The following MCF2L2 variants were observed in gnomAD, a reference collection of about 807,000 sequenced individuals.
MCF2L2 encodes probable guanine nucleotide exchange factor MCF2L2.
Under a neutral mutation model 150.2 loss-of-function variants are expected in MCF2L2, and 102 were observed. The observed-to-expected ratio is 0.68, with a 90% confidence interval of 0.58 to 0.80. The LOEUF (loss-of-function observed/expected upper bound fraction) is 0.80. Ranked by LOEUF, MCF2L2 falls within the 30% of genes least tolerant of loss-of-function variation. MCF2L2 has a pLI of 0.00. For synonymous variants in MCF2L2, 465 were observed against 491.3 expected (o/e 0.95, Z 0.71); for missense variants, 1,256 against 1,372.8 (o/e 0.91, Z 1.34).
chr3:183,345,696 G>C (rs1730871231), intron 3 of MCF2L2, among the ~76,000 whole-genome samples: 1 of 152,114 alleles, frequency 6.6e-6, no homozygotes, highest in Non-Finnish European at 1.5e-5. Flanking sequence ...GAAGAAAAGA[G>C]AGAAGAAACA....
rs185051808 is a variant in MCF2L2, at chr3:183,222,720, G to A, written c.2301+626C>T. 1.9e-3 allele frequency among the ~76,000 whole-genome samples: 286 copies of A among 152,220 alleles called. 1 individual carries two copies. The highest frequency in any genetic ancestry group is 3.3e-3 in the Non-Finnish European group (227 of 68,012). On this transcript the variant is annotated intron_variant, in intron 20 of 29. Transcript: ENST00000328913. Reference sequence around the variant, plus strand: ...ATTCAACAGACAACTTATCGTGGTGGCCCAAACCTTTCTCTCAAGCTCACA... The same window carrying A: ...ATTCAACAGACAACTTATCGTGGTGACCCAAACCTTTCTCTCAAGCTCACA...
intron 2 of MCF2L2, among the ~76,000 whole-genome samples, chr3:183,386,066 G>A (rs1280832972): frequency 6.6e-6 from 1 of 152,170 alleles, no homozygotes; most frequent in Non-Finnish European, 1.5e-5. Context: ...GTCAGACCTC[G>A]TTATGCAATT....
At chr3:183,297,262 A>G in intron 11 of MCF2L2, 95 bp from the exon 12 acceptor site, 1 of 1,056,142 alleles carries the variant, frequency 9.5e-7, no homozygotes, top group Non-Finnish European at 1.4e-6. Flanking sequence ...GGTGTCTACA[A>G]GGATTCCCAG....
Position 183,322,508 on chromosome 3 carries a change from G to A in MCF2L2, c.603+727C>T, listed in dbSNP as rs1439783724. ...AGATATTGACAAATGTAGGAGGCAG[G>A]CAAAATTATCCCCTATAGAGAAATA... On this transcript the variant is annotated intron_variant, in intron 6 of 29. Coordinates refer to ENST00000328913, the MANE Select transcript of MCF2L2 (RefSeq NM_015078.4). Among the ~76,000 whole-genome samples, 2 of 152,156 alleles carry A rather than the reference G, an allele frequency of 1.3e-5. 1 individual carries two copies. Among genetic ancestry groups the A allele is most frequent in the South Asian group, 4.1e-4 (2 of 4,828 alleles).
At chr3:183,202,205 G>T (rs1290801442) in intron 25 of MCF2L2, among the ~76,000 whole-genome samples, 1 of 152,124 alleles carries the variant, frequency 6.6e-6, no homozygotes, top group Non-Finnish European at 1.5e-5. Flanking sequence ...TCTTTATTAG[G>T]CCTGACTCAG....
In MCF2L2 at chr3:183,296,984, C is replaced by T. The variant is rs200226889; in HGVS notation, c.1489G>A (p.Asp497Asn). 18 of 1,613,502 alleles carry T rather than the reference C, an allele frequency of 1.1e-5. No homozygotes were observed. Among genetic ancestry groups the T allele is most frequent in the Admixed American group, 8.3e-5 (5 of 59,982 alleles). The change falls in exon 12 of 30, where the codon GAT becomes AAT. Residue 497 changes from aspartate to asparagine, a missense_variant. Physicochemically the swap from Asp to Asn is conservative, Grantham distance 23. Coordinates refer to ENST00000328913, the MANE Select transcript of MCF2L2 (RefSeq NM_015078.4). ...YNEFELLLTL[D>N]AKAKAQKVLQ... is the part of the protein sequence containing the mutation. The stretch of plus-strand genomic sequence containing the variant: ...TAACCCGGAAGCATTACCTTTGCAT[C>T]GAGGGTGAGCAGCAACTCAAACTCG...
chr3:183,404,801 T>C (rs1301331348), intron 1 of MCF2L2, among the ~76,000 whole-genome samples: 3 of 152,034 alleles, frequency 2.0e-5, no homozygotes, highest in Non-Finnish European at 4.4e-5. Flanking sequence ...AGGCGGAGGT[T>C]GCAGTGAGCC....
At chr3:183,334,817 A>T (rs1197705554) in intron 5 of MCF2L2, among the ~76,000 whole-genome samples, 1 of 150,674 alleles carries the variant, frequency 6.6e-6, no homozygotes, top group Non-Finnish European at 1.5e-5. Flanking sequence ...AAAAAGACAA[A>T]GAAAGGGCCA....
intron 15 of MCF2L2, among the ~76,000 whole-genome samples, chr3:183,262,566 G>A (rs1324777593): frequency 2.6e-5 from 4 of 151,962 alleles, no homozygotes; most frequent in South Asian, 2.1e-4. Context: ...CCCTAGTCCC[G>A]GCCCGATCAG....
chr3:183,407,287 A>C (rs1715093344), intron 1 of MCF2L2, among the ~76,000 whole-genome samples: 1 of 151,990 alleles, frequency 6.6e-6, no homozygotes, highest in Admixed American at 6.6e-5. Context: ...AAAATTAGGT[A>C]ATGTGAGTCC....
intron 1 of MCF2L2, among the ~76,000 whole-genome samples, chr3:183,411,370 C>T (rs1438858504): frequency 6.6e-6 from 1 of 152,178 alleles, no homozygotes; most frequent in Non-Finnish European, 1.5e-5. Flanking sequence ...AGAGCACTTA[C>T]ACTCATTTGG....
chr3:183,367,221 TTC>T (rs1395047545), intron 3 of MCF2L2, among the ~76,000 whole-genome samples: 2 of 151,526 alleles, frequency 1.3e-5, no homozygotes, highest in Non-Finnish European at 1.5e-5. Flanking sequence ...TTTTCTTTCT[TTC>T]TTTCTTTTTT....
chr3:183,369,877 CTCT>C lies in MCF2L2; in HGVS notation c.275+9417_275+9419del, dbSNP rs529268334. 5.3e-5 allele frequency among the ~76,000 whole-genome samples: 8 copies of C among 152,296 alleles called. No homozygotes were observed. The East Asian group carries it at 1.5e-3, about 29-fold the overall frequency. ...GAAGGGCGTGGCAAACAGTTGTCTA[CTCT>C]ACATCCAAAGTTTGATTTTAAAAAG... is the stretch of plus-strand genomic sequence containing the variant. On this transcript the variant is annotated intron_variant, in intron 3 of 29. Coordinates refer to ENST00000328913, the MANE Select transcript of MCF2L2 (RefSeq NM_015078.4).
At chr3:183,245,511 G>C (rs1458185521) in intron 15 of MCF2L2, among the ~76,000 whole-genome samples, 2 of 152,156 alleles carry the variant, frequency 1.3e-5, no homozygotes, top group African/African-American at 2.4e-5. Flanking sequence ...GATGAGTGCT[G>C]GCCAGGGGAG....
intron 6 of MCF2L2, among the ~76,000 whole-genome samples, chr3:183,322,408 T>C (rs1729850015): frequency 6.6e-6 from 1 of 152,166 alleles, no homozygotes; most frequent in Admixed American, 6.5e-5. Flanking sequence ...TTGTAAGGTG[T>C]TCAGCGGAGT....
chr3:183,383,245 A>T (rs1051342707), intron 2 of MCF2L2, among the ~76,000 whole-genome samples: 23 of 151,830 alleles, frequency 1.5e-4, no homozygotes, highest in Admixed American at 5.9e-4. Flanking sequence ...TTATTTATTT[A>T]TTTTTTGAGA....
intron 13 of MCF2L2, among the ~76,000 whole-genome samples, chr3:183,289,664 C>T (rs1040742576): frequency 6.6e-6 from 1 of 152,012 alleles, no homozygotes; most frequent in African/African-American, 2.4e-5. Flanking sequence ...GAGACCAGCC[C>T]GGCCAACATG....
intron 2 of MCF2L2, among the ~76,000 whole-genome samples, chr3:183,387,513 T>C (rs1713899749): frequency 6.6e-6 from 1 of 152,168 alleles, no homozygotes; most frequent in South Asian, 2.1e-4. Context: ...ATAAAAATTA[T>C]CTTACTTGTA....
intron 4 of MCF2L2, among the ~76,000 whole-genome samples, chr3:183,339,752 T>G (rs1730626157): frequency 6.6e-6 from 1 of 152,066 alleles, no homozygotes; most frequent in African/African-American, 2.4e-5. Flanking sequence ...CAAAGCAACC[T>G]CCTATGGGGA....
Sources: gnomAD v4.1 joint callset for allele counts (sites outside exome capture counted in the v4.1 genomes callset) on GRCh38, gnomAD v4.1.1 for gene constraint, MANE v1.5 for transcripts, NCBI Gene and HGNC (gene_info 2026-07-23, HGNC 2026-07-21) for gene names.